Variants in GRPR observed in about 807,000 individuals in gnomAD.
GRPR encodes the protein gastrin releasing peptide receptor.
GRPR carries 4 observed loss-of-function variants against 15.6 expected under a neutral mutation model. That is an observed-to-expected ratio of 0.26 (90% CI 0.13 to 0.59). GRPR has a LOEUF of 0.59. Ranked by LOEUF, GRPR falls within the 20% of genes least tolerant of loss-of-function variation. GRPR has a pLI of 0.90. For missense variants in GRPR, 270 were observed against 304.1 expected, an observed-to-expected ratio of 0.89 and a Z score of 0.83; for synonymous variants, 128 against 126.8, an observed-to-expected ratio of 1.01 and a Z score of -0.06.
At position 16,150,664 on chromosome X, in the gene GRPR, C is replaced by T. The variant is rs369958001; in HGVS notation, c.765+8C>T. ...ATACATGTCAAGAAGCAGGTAGGTG[C>T]TCAGGATTGATTCATTTCCTCCTTG... On this transcript the variant is annotated splice_region_variant and intron_variant, in intron 2 of 2. Coordinates refer to ENST00000380289, the MANE Select transcript of GRPR (RefSeq NM_005314.3). 2.0e-6 allele frequency: 2 copies of T among 1,011,569 alleles called. No homozygotes were observed. Among genetic ancestry groups the T allele is most frequent in the East Asian group, 6.1e-5 (2 of 33,021 alleles). 83.4% of individuals were successfully genotyped at this position (1,011,569 alleles called of 1,213,427 possible). A position where few individuals can be genotyped will look rare whatever the true frequency, so the allele number is the denominator to read the frequency against.
At chrX:16,152,142 A>G in intron 2 of GRPR, 114 bp from the exon 3 acceptor site, 2 of 653,822 alleles carry the variant, frequency 3.1e-6, no homozygotes, top group Non-Finnish European at 5.1e-6. Context: ...GAACTCCTCT[A>G]TTGCCCTAAT....
intron 1 of GRPR, among the ~76,000 whole-genome samples, chrX:16,135,911 G>A (rs1019262763): frequency 5.4e-5 from 6 of 111,878 alleles, no homozygotes; most frequent in Non-Finnish European, 7.5e-5. Context: ...TCAGAATTTG[G>A]CATCGTTTCT....
intron 1 of GRPR, among the ~76,000 whole-genome samples, chrX:16,145,898 G>A (rs971771812): frequency 2.7e-5 from 3 of 112,159 alleles, no homozygotes; most frequent in African/African-American, 9.7e-5. Flanking sequence ...TGATAATCTT[G>A]TCATAAAAGT....
intron 1 of GRPR, among the ~76,000 whole-genome samples, chrX:16,143,267 G>C (rs1197026796): frequency 1.8e-5 from 2 of 111,539 alleles, no homozygotes; most frequent in Non-Finnish European, 3.8e-5. Flanking sequence ...TACCCATCCT[G>C]GTGGGAAAAA....
intron 2 of GRPR, among the ~76,000 whole-genome samples, chrX:16,151,648 G>A (rs1052561619): frequency 1.6e-4 from 18 of 111,943 alleles, no homozygotes. Flanking sequence ...GGAGTTGGGA[G>A]CAAAAGGAGA....
At position 16,152,832 on chromosome X, in the gene GRPR, G is replaced by A; in HGVS notation, c.*187G>A. The A allele has an allele frequency of 2.2e-6, 1 of 445,620 alleles. No individual in the cohort carries two copies. The highest frequency in any genetic ancestry group is 3.6e-5 in the East Asian group (1 of 27,579). The allele number at this position is 445,620 out of a possible 1,213,427, so 36.7% of individuals were successfully genotyped here. On this transcript the variant is annotated 3_prime_UTR_variant, in exon 3 of 3. Transcript: ENST00000380289. ...TTTGAAAGAAGCCATCAAGTCTTAA[G>A]TTTTTCATTTCAACTTGTGAACGTT...
rs1005471272 is a variant in GRPR, at chrX:16,150,645, G to A, written c.754G>A (p.Val252Ile). ...YNLPVEGNIH[V>I]KKQIESRKRL... ...TCTTCCCGTGGAAGGGAATATACATGTCAAGAAGCAGGTAGGTGCTCAGGA... is the reference window on the plus strand; with the variant it reads ...TCTTCCCGTGGAAGGGAATATACATATCAAGAAGCAGGTAGGTGCTCAGGA... Residue 252 changes from valine (V) to isoleucine (I), a missense_variant, in exon 2 of 3, where the codon GTC (valine) becomes ATC (isoleucine). Coordinates refer to ENST00000380289, the MANE Select transcript of GRPR (RefSeq NM_005314.3). The A allele has an allele frequency of 1.8e-6, 2 of 1,128,794 alleles. No individual in the cohort carries two copies. The highest frequency in any genetic ancestry group is 3.6e-5 in the South Asian group (2 of 55,115). 93.0% of individuals were successfully genotyped at this position (1,128,794 alleles called of 1,213,427 possible). A position where few individuals can be genotyped will look rare whatever the true frequency, so the allele number is the denominator to read the frequency against.
At chrX:16,138,435 C>T (rs977457361) in intron 1 of GRPR, among the ~76,000 whole-genome samples, 1 of 112,099 alleles carries the variant, frequency 8.9e-6, no homozygotes. Context: ...CAAAACATGA[C>T]ATGCAAAACT....
At chrX:16,128,161 A>G (rs1461195458) in intron 1 of GRPR, among the ~76,000 whole-genome samples, 1 of 112,278 alleles carries the variant, frequency 8.9e-6, no homozygotes, top group Non-Finnish European at 1.9e-5. Flanking sequence ...AATGCATACA[A>G]TTTTCCTCAT....
chrX:16,123,960 C>T lies in GRPR; in HGVS notation c.7C>T (p.Leu3=). 1 of 1,208,383 alleles carries T rather than the reference C, an allele frequency of 8.3e-7. No individual in the cohort carries two copies. Among genetic ancestry groups the T allele is most frequent in the Non-Finnish European group, 1.1e-6 (1 of 892,977 alleles). MA[L]NDCFLLNLEV... is the part of the protein sequence containing the mutation. The stretch of plus-strand genomic sequence containing the variant: ...TGGGAAAAAAAATCTAGAGATGGCT[C>T]TAAATGACTGTTTCCTTCTGAACTT... Residue 3 remains leucine (L), a synonymous_variant, in exon 1 of 3, where the codon CTA becomes TTA. Transcript: ENST00000380289.
chrX:16,145,353 A>G (rs1922589028), intron 1 of GRPR, among the ~76,000 whole-genome samples: 2 of 112,262 alleles, frequency 1.8e-5, no homozygotes, highest in South Asian at 7.4e-4. Context: ...TTGCAACAAC[A>G]TGGATGGAAC....
chrX:16,142,119 A>G (rs1221002992), intron 1 of GRPR, among the ~76,000 whole-genome samples: 2 of 111,859 alleles, frequency 1.8e-5, no homozygotes, highest in Non-Finnish European at 3.8e-5. Flanking sequence ...CAGAGAAGAC[A>G]CTTCTCTCAT....
intron 1 of GRPR, among the ~76,000 whole-genome samples, chrX:16,135,304 G>C (rs1192335939): frequency 8.9e-6 from 1 of 112,097 alleles, no homozygotes; most frequent in Non-Finnish European, 1.9e-5. Context: ...TCATGGGAAG[G>C]AAAGAGCCAG....
At chrX:16,128,091 A>T (rs999663501) in intron 1 of GRPR, among the ~76,000 whole-genome samples, 1 of 112,435 alleles carries the variant, frequency 8.9e-6, no homozygotes, top group African/African-American at 3.2e-5. Flanking sequence ...GTGCCCCTCA[A>T]GTTTTCTTGT....
intron 1 of GRPR, among the ~76,000 whole-genome samples, chrX:16,146,274 AACTC>A (rs1379829688): frequency 8.9e-6 from 1 of 111,897 alleles, no homozygotes; most frequent in African/African-American, 3.2e-5. Flanking sequence ...CACTCAAACT[AACTC>A]AAGGAAAAAG....
At position 16,152,780 on chromosome X, in the gene GRPR, G is replaced by C; in HGVS notation, c.*135G>C. On this transcript the variant is annotated 3_prime_UTR_variant, in exon 3 of 3. Transcript: ENST00000380289. ...TGAGTGGTGTAGGTGGGGGTGGGGA[G>C]GCCCAAATGATGGATCACCATTATA... The C allele has an allele frequency of 1.4e-5, 8 of 553,665 alleles. No individual in the cohort carries two copies. The highest frequency in any genetic ancestry group is 2.6e-5 in the South Asian group (1 of 39,213). The allele number at this position is 553,665 out of a possible 1,213,427, so 45.6% of individuals were successfully genotyped here. A position where few individuals can be genotyped will look rare whatever the true frequency, so the allele number is the denominator to read the frequency against.
rs1227664882 is a variant in GRPR at position 16,125,850 on chromosome X, A to G, written c.413+1484A>G. ...TGACCACAGACAGTTTCATGTATTGATTCAGGGCTGGCAAACTCTGGAGCT... is the reference window on the plus strand; with the variant it reads ...TGACCACAGACAGTTTCATGTATTGGTTCAGGGCTGGCAAACTCTGGAGCT... On this transcript the variant is annotated intron_variant, in intron 1 of 2. Coordinates refer to ENST00000380289, the MANE Select transcript of GRPR (RefSeq NM_005314.3). Among the ~76,000 whole-genome samples the G allele has an allele frequency of 1.3e-4, 14 of 111,405 alleles. No individual in the cohort carries two copies. In the Admixed American group the frequency reaches 1.3e-3, roughly 11 times the overall value.
chrX:16,131,226 G>T (rs1385752379), intron 1 of GRPR, among the ~76,000 whole-genome samples: 1 of 111,699 alleles, frequency 9.0e-6, no homozygotes, highest in Non-Finnish European at 1.9e-5. Context: ...TTTTGAGCTT[G>T]TAAGTCCTCC....
chrX:16,139,910 T>C (rs182146169), intron 1 of GRPR, among the ~76,000 whole-genome samples: 5 of 112,727 alleles, frequency 4.4e-5, no homozygotes, highest in African/African-American at 1.6e-4. Context: ...TTGAAAAGTG[T>C]CGAGAACTTT....
Sources: allele counts gnomAD v4.1 joint callset (sites outside exome capture counted in the v4.1 genomes callset), GRCh38; gene constraint gnomAD v4.1.1; transcripts MANE v1.5; gene names NCBI Gene and HGNC (gene_info 2026-07-23, HGNC 2026-07-21).